INTS8: variants seen among roughly 807,000 people sequenced by gnomAD.
The protein encoded by INTS8 is integrator complex subunit 8, also known as protein kaonashi-1.
A neutral mutation model predicts 138.9 loss-of-function variants in INTS8; 47 were observed. That is an observed-to-expected ratio of 0.34 (90% CI 0.27 to 0.43). INTS8 has a LOEUF of 0.43. Ranked by LOEUF, INTS8 falls within the 20% of genes least tolerant of loss-of-function variation. The probability of loss-of-function intolerance (pLI) is 1.00; values close to 1 mark genes in which losing one functional copy is unlikely to be tolerated. For missense variants in INTS8, 996 were observed against 1,173.0 expected (o/e 0.85, Z 2.20); for synonymous variants, 392 against 400.9 (o/e 0.98, Z 0.27).
intron 10 of INTS8, among the ~76,000 whole-genome samples, chr8:94,844,026 C>T (rs1586487225): frequency 1.4e-5 from 2 of 139,276 alleles, no homozygotes; most frequent in Non-Finnish European, 3.1e-5. Flanking sequence ...TAGAGTTCTG[C>T]TTTTTTTTTT....
At chr8:94,831,966 TTTTA>T (rs1490736284) in intron 5 of INTS8, 22 bp from the exon 6 acceptor site, 2 of 1,550,886 alleles carry the variant, frequency 1.3e-6, no homozygotes, top group Non-Finnish European at 1.7e-6. Flanking sequence ...ATTTTTGTAT[TTTTA>T]TTTGTTTATT....
chr8:94,847,932 A>C (rs1263882697), intron 10 of INTS8, among the ~76,000 whole-genome samples: 1 of 152,028 alleles, frequency 6.6e-6, no homozygotes, highest in Non-Finnish European at 1.5e-5. Flanking sequence ...TACATACTCC[A>C]AGATGCTCAG....
rs1450294567 is a variant in INTS8, at chr8:94,846,154, CCAA to C, written c.1261-3303_1261-3301del. On this transcript the variant is annotated intron_variant, in intron 10 of 26. Transcript: ENST00000523731. ...ATTTAACTTTCTAATAATTTTGTAT[CCAA>C]CAACTTTGCTTAGCTTTTAAAAATT... Among the ~76,000 whole-genome samples, 8 of 152,240 alleles carry C rather than the reference CCAA, an allele frequency of 5.3e-5. No homozygotes were observed. The East Asian group carries it at 1.3e-3, about 26-fold the overall frequency.
chr8:94,859,852 C>T (rs1815888389), intron 16 of INTS8: 3 of 467,100 alleles, frequency 6.4e-6, no homozygotes, highest in Non-Finnish European at 1.2e-5. Flanking sequence ...CATGTAGTCA[C>T]AGATTATTTA....
intron 15 of INTS8, among the ~76,000 whole-genome samples, chr8:94,857,411 A>G (rs1447019164): frequency 6.6e-6 from 1 of 152,180 alleles, no homozygotes; most frequent in Non-Finnish European, 1.5e-5. Context: ...TTCACTCCTA[A>G]AACAGAATTT....
intron 23 of INTS8, among the ~76,000 whole-genome samples, chr8:94,875,320 A>G (rs1816530911): frequency 6.6e-6 from 1 of 152,202 alleles, no homozygotes. Flanking sequence ...GTTACGTGGT[A>G]CAGCATGGCT....
chr8:94,851,755 G>C, intron 13 of INTS8, 69 bp downstream of exon 13: 1 of 1,349,432 alleles, frequency 7.4e-7, no homozygotes. Flanking sequence ...TAGAAAAGCT[G>C]TTCCCTGACC....
chr8:94,880,001 G>T (rs1816739382), intron 26 of INTS8, 117 bp from the exon 27 acceptor site: 5 of 690,326 alleles, frequency 7.2e-6, no homozygotes, highest in South Asian at 3.7e-5. Flanking sequence ...CAGTTAAGAG[G>T]TTCAGTTAAT....
chr8:94,826,860 CTG>C (rs1466614196), intron 2 of INTS8, among the ~76,000 whole-genome samples: 1 of 152,152 alleles, frequency 6.6e-6, no homozygotes, highest in African/African-American at 2.4e-5. Flanking sequence ...AATCCCAGCA[CTG>C]TGGGAGGCTG....
Position 94,853,875 on chromosome 8 carries a change from A to C in INTS8, c.1712A>C (p.Tyr571Ser). The change falls in exon 14 of 27, where the codon TAT becomes TCT. Residue 571 changes from tyrosine to serine, a missense_variant. By Grantham distance (144) the Tyr-to-Ser change is moderately radical. Transcript: ENST00000523731. ...IKDNLTRDLVYILMAKGLHCS... is the reference protein window; with the variant it reads ...IKDNLTRDLVSILMAKGLHCS... Reference sequence around the variant, plus strand: ...GACAATTTAACAAGAGATTTGGTTTATATTCTTATGGCCAAAGGTTTGCAC... The same window carrying C: ...GACAATTTAACAAGAGATTTGGTTTCTATTCTTATGGCCAAAGGTTTGCAC... 6.2e-7 allele frequency: 1 copy of C among 1,610,264 alleles called. No homozygotes were observed. The highest frequency in any genetic ancestry group is 8.5e-7 in the Non-Finnish European group (1 of 1,176,508).
chr8:94,828,460 A>T (rs755700733), intron 4 of INTS8, among the ~76,000 whole-genome samples: 20 of 152,240 alleles, frequency 1.3e-4, no homozygotes, highest in Admixed American at 5.2e-4. Context: ...TTCTTTTTTT[A>T]AATTTTTTAT....
intron 10 of INTS8, among the ~76,000 whole-genome samples, chr8:94,848,966 C>T (rs1247270832): frequency 6.6e-6 from 1 of 151,826 alleles, no homozygotes; most frequent in South Asian, 2.1e-4. Context: ...AGTTTCTATT[C>T]TTTGTTTGCA....
intron 14 of INTS8, among the ~76,000 whole-genome samples, chr8:94,854,906 G>T (rs937618287): frequency 2.3e-5 from 3 of 129,222 alleles, no homozygotes; most frequent in African/African-American, 5.8e-5. Context: ...TTATTTGAAA[G>T]AATTTTTTTT....
rs142280197 is a variant in INTS8, at chr8:94,862,232, G to A, written c.2076+2600G>A. 5.3e-5 allele frequency among the ~76,000 whole-genome samples: 8 copies of A among 152,252 alleles called. No homozygotes were observed. The East Asian group carries it at 1.2e-3, about 22-fold the overall frequency. ...GCTGGGATTACAGGCATAAGCCACC[G>A]TGCCCGACCTGAATCATTTCTATCT... On this transcript the variant is annotated intron_variant, in intron 16 of 26. Transcript: ENST00000523731.
intron 10 of INTS8, among the ~76,000 whole-genome samples, chr8:94,847,196 T>C (rs928551607): frequency 6.6e-6 from 1 of 152,072 alleles, no homozygotes; most frequent in Admixed American, 6.6e-5. Flanking sequence ...CCCACCACCA[T>C]GCCCAGCTAA....
In INTS8 at chr8:94,859,421, T is replaced by C. The variant is rs1815871565; in HGVS notation, c.1955-90T>C. 3.8e-6 allele frequency: 5 copies of C among 1,328,594 alleles called. No individual in the cohort carries two copies. The East Asian group carries it at 9.4e-5, about 25-fold the overall frequency. 82.3% of individuals were successfully genotyped at this position (1,328,594 alleles called of 1,614,324 possible). A position where few individuals can be genotyped will look rare whatever the true frequency, so the allele number is the denominator to read the frequency against. On this transcript the variant is annotated intron_variant, in intron 15 of 26. Coordinates refer to ENST00000523731, the MANE Select transcript of INTS8 (RefSeq NM_017864.4). ...GAGCCACCATACCCGTCCTGTTTTT[T>C]TATTCAGTTGAAATCTGAGCAAGTA...
Position 94,851,681 on chromosome 8 carries a change from A to G in INTS8, c.1636A>G (p.Asn546Asp). 1 of 1,587,652 alleles carries G rather than the reference A, an allele frequency of 6.3e-7. No individual in the cohort carries two copies. ...AGAGCGCCAGTTCTGGACAGTGTCTAATAAGGTAAACCCTATGTCAAGAAC... is the reference window on the plus strand; with the variant it reads ...AGAGCGCCAGTTCTGGACAGTGTCTGATAAGGTAAACCCTATGTCAAGAAC... ...TSERQFWTVS[N>D]KWEVPSVYSG... The change falls in exon 13 of 27, where the codon AAT becomes GAT. Residue 546 changes from asparagine to aspartate, a missense_variant. Physicochemically the swap from Asn to Asp is conservative, Grantham distance 23. Coordinates refer to ENST00000523731, the MANE Select transcript of INTS8 (RefSeq NM_017864.4).
intron 8 of INTS8, among the ~76,000 whole-genome samples, chr8:94,840,124 A>G (rs548045365): frequency 6.6e-6 from 1 of 152,286 alleles, no homozygotes; most frequent in African/African-American, 2.4e-5. Flanking sequence ...TAGAAATTGT[A>G]TTTCTTCGAA....
intron 16 of INTS8, among the ~76,000 whole-genome samples, chr8:94,861,763 G>A (rs1000554388): frequency 7.3e-5 from 11 of 150,844 alleles, no homozygotes; most frequent in African/African-American, 2.7e-4. Context: ...TGTTAGTCAG[G>A]CGGGTCTGAA....
Sources: allele counts gnomAD v4.1 joint callset (sites outside exome capture counted in the v4.1 genomes callset), GRCh38; gene constraint gnomAD v4.1.1; transcripts MANE v1.5; gene names NCBI Gene and HGNC (gene_info 2026-07-23, HGNC 2026-07-21).